MICU2: variants seen among roughly 807,000 people sequenced by gnomAD.
The protein encoded by MICU2 is mitochondrial calcium uptake 2.
A neutral mutation model predicts 60.4 loss-of-function variants in MICU2; 64 were observed. The observed-to-expected ratio is 1.06, with a 90% CI of 0.87 to 1.31. The LOEUF (loss-of-function observed/expected upper bound fraction) is 1.31, where lower values mean the gene tolerates loss of function less well. Among genes scored for constraint, MICU2 ranks in the 50% most tolerant of loss-of-function variants. MICU2 has a pLI of 0.00. For synonymous variants in MICU2, 201 were observed against 175.0 expected (o/e 1.15, Z -1.17); for missense variants, 569 against 531.0 (o/e 1.07, Z -0.70).
chr13:21,595,305 G>A (rs1888669250), intron 1 of MICU2, among the ~76,000 whole-genome samples: 1 of 152,210 alleles, frequency 6.6e-6, no homozygotes, highest in South Asian at 2.1e-4. Flanking sequence ...AGGCATGGGA[G>A]TGACACTGCA....
intron 10 of MICU2, chr13:21,495,564 T>G: frequency 2.8e-6 from 1 of 357,944 alleles, no homozygotes; most frequent in Non-Finnish European, 5.0e-6. Flanking sequence ...TTGAGATGAA[T>G]CTTGCTCGTC....
At chr13:21,579,099 G>C (rs1847330843) in intron 1 of MICU2, among the ~76,000 whole-genome samples, 2 of 152,132 alleles carry the variant, frequency 1.3e-5, no homozygotes, top group African/African-American at 2.4e-5. Flanking sequence ...ATATTTCTAA[G>C]ATAAAATTCT....
intron 2 of MICU2, among the ~76,000 whole-genome samples, chr13:21,542,183 T>C (rs1307570637): frequency 6.6e-6 from 1 of 152,206 alleles, no homozygotes; most frequent in Non-Finnish European, 1.5e-5. Context: ...GTTTTCTTGG[T>C]AGACAGTTGT....
intron 1 of MICU2, among the ~76,000 whole-genome samples, chr13:21,591,366 TA>T (rs1888580638): frequency 6.6e-6 from 1 of 152,198 alleles, no homozygotes; most frequent in Admixed American, 6.5e-5. Context: ...CCCAGATTCA[TA>T]AAACAAGTTG....
At chr13:21,594,161 C>G (rs921679652) in intron 1 of MICU2, among the ~76,000 whole-genome samples, 1 of 152,012 alleles carries the variant, frequency 6.6e-6, no homozygotes, top group Admixed American at 6.6e-5. Context: ...ACAGAATTTA[C>G]AAGAAACTTA....
rs187900674 is a variant in MICU2 at position 21,518,163 on chromosome 13, G to T, written c.597+3082C>A. On this transcript the variant is annotated intron_variant, in intron 6 of 11. Transcript: ENST00000382374. ...ATTCAGAAATTGTTCCATAAATTCA[G>T]CATGTTAAGCTATTGTGTGAAAAAA... Among the ~76,000 whole-genome samples the T allele has an allele frequency of 2.6e-5, 4 of 152,278 alleles. No individual in the cohort carries two copies. In the East Asian group the frequency reaches 7.7e-4, roughly 29 times the overall value.
chr13:21,509,914 A>T (rs1001682928), intron 8 of MICU2, 90 bp downstream of exon 8: 3 of 668,132 alleles, frequency 4.5e-6, no homozygotes, highest in Non-Finnish European at 7.3e-6. Flanking sequence ...TAGTTTTATG[A>T]TCTGCAGTTC....
chr13:21,603,786 G>T (rs1428846435), intron 1 of MICU2, 153 bp downstream of exon 1: 2 of 827,780 alleles, frequency 2.4e-6, no homozygotes, highest in African/African-American at 1.8e-5. Context: ...CCAGGAAGGA[G>T]CGAGTCCCAC....
intron 7 of MICU2, among the ~76,000 whole-genome samples, chr13:21,514,110 G>A (rs1025649717): frequency 3.3e-5 from 5 of 152,178 alleles, no homozygotes; most frequent in African/African-American, 1.2e-4. Context: ...AAACATCAGA[G>A]TGTACTTACA....
At chr13:21,514,513 T>C in intron 6 of MICU2, 95 bp from the exon 7 acceptor site, 1 of 813,924 alleles carries the variant, frequency 1.2e-6, no homozygotes, top group Non-Finnish European at 2.0e-6. Context: ...ATAAAATATA[T>C]ACTAGTTATT....
chr13:21,505,413 C>A (rs932854975), intron 8 of MICU2, among the ~76,000 whole-genome samples: 3 of 152,202 alleles, frequency 2.0e-5, no homozygotes, highest in South Asian at 2.1e-4. Context: ...CAGAACAATA[C>A]GTAGTAGGTT....
Position 21,602,394 on chromosome 13 carries a change from C to A in MICU2, c.210+1545G>T, listed in dbSNP as rs576283359. Among the ~76,000 whole-genome samples, 33 of 151,946 alleles carry A rather than the reference C, an allele frequency of 2.2e-4. 1 individual carries two copies. The East Asian group carries it at 2.5e-3, about 12-fold the overall frequency. ...AAAATTAGCCGGGCGCGATGGCGGG[C>A]GCCTGTAGTCCCAGCTACTCGGGAG... On this transcript the variant is annotated intron_variant, in intron 1 of 11. Coordinates refer to ENST00000382374, the MANE Select transcript of MICU2 (RefSeq NM_152726.3).
intron 1 of MICU2, among the ~76,000 whole-genome samples, chr13:21,591,065 C>A (rs1888570699): frequency 6.6e-6 from 1 of 151,950 alleles, no homozygotes; most frequent in Admixed American, 6.6e-5. Context: ...GGGCTAAATG[C>A]CCCAATAAAA....
chr13:21,592,591 A>G (rs1447399626), intron 1 of MICU2, among the ~76,000 whole-genome samples: 1 of 152,272 alleles, frequency 6.6e-6, no homozygotes, highest in East Asian at 1.9e-4. Context: ...TCCCTGATGA[A>G]CATTGATGCG....
intron 9 of MICU2, among the ~76,000 whole-genome samples, chr13:21,497,559 A>G (rs2025243): frequency 0.31 from 47,685 of 151,532 alleles, 8,862 homozygotes; most frequent in Non-Finnish European, 0.41. Flanking sequence ...AAAATACAAA[A>G]ATTAGCCAGG....
At chr13:21,600,987 G>A (rs1170753360) in intron 1 of MICU2, among the ~76,000 whole-genome samples, 3 of 152,002 alleles carry the variant, frequency 2.0e-5, no homozygotes, top group Non-Finnish European at 2.9e-5. Context: ...TAGTAGAGAC[G>A]GGGTTTCACT....
At chr13:21,602,049 T>C (rs1215066634) in intron 1 of MICU2, among the ~76,000 whole-genome samples, 4 of 148,982 alleles carry the variant, frequency 2.7e-5, no homozygotes, top group Non-Finnish European at 4.4e-5. Context: ...TAAGAGGTTG[T>C]AGTGAGCCGG....
At chr13:21,583,126 A>G (rs2185883) in intron 1 of MICU2, among the ~76,000 whole-genome samples, 82,438 of 151,974 alleles carry the variant, frequency 0.54, 24,124 homozygotes, top group East Asian at 1. Context: ...GGGCTAGCTC[A>G]TGCCTGTAGT....
Position 21,524,368 on chromosome 13 carries a change from C to A in MICU2, c.467-1718G>T, listed in dbSNP as rs555085002. On this transcript the variant is annotated intron_variant, in intron 4 of 11. Coordinates refer to ENST00000382374, the MANE Select transcript of MICU2 (RefSeq NM_152726.3). ...TACCTCCCACTGGATTATTTTGAAA[C>A]AAAACCCACATATACATATCATTTC... 2.3e-3 allele frequency among the ~76,000 whole-genome samples: 352 copies of A among 152,060 alleles called. 3 individuals are homozygous for A. The highest frequency in any genetic ancestry group is 7.7e-3 in the African/African-American group (320 of 41,448).
Sources: gnomAD v4.1 joint callset for allele counts (sites outside exome capture counted in the v4.1 genomes callset) on GRCh38, gnomAD v4.1.1 for gene constraint, MANE v1.5 for transcripts, NCBI Gene and HGNC (gene_info 2026-07-23, HGNC 2026-07-21) for gene names.